The following BCL2L14 variants were observed in gnomAD, a reference collection of about 807,000 sequenced individuals.
BCL2L14 encodes the protein apoptosis facilitator Bcl-2-like protein 14.
In BCL2L14, 27 loss-of-function variants were observed where a neutral mutation model predicts 35.3. The observed-to-expected ratio is 0.76, with a 90% CI of 0.56 to 1.05. BCL2L14 has a LOEUF of 1.05. BCL2L14 is among the 50% of genes least tolerant of loss of function. The pLI, the probability that BCL2L14 is intolerant of heterozygous loss-of-function variation, is 0.00. For missense variants in BCL2L14, 377 were observed against 382.6 expected, an observed-to-expected ratio of 0.99 and a Z score of 0.12; for synonymous variants, 139 against 145.9, an observed-to-expected ratio of 0.95 and a Z score of 0.34.
At chr12:12,082,933 C>A (rs7961595) in intron 2 of BCL2L14, among the ~76,000 whole-genome samples, 55,453 of 151,628 alleles carry the variant, frequency 0.37, 10,412 homozygotes, top group East Asian at 0.51. Flanking sequence ...TCAGGCCTTG[C>A]AAATTTGGTT....
intron 3 of BCL2L14, 132 bp downstream of exon 3, chr12:12,087,518 G>A: frequency 9.8e-7 from 1 of 1,022,158 alleles, no homozygotes; most frequent in Non-Finnish European, 1.4e-6. Context: ...GCCACAGGCT[G>A]TGGGCAATGA....
intron 4 of BCL2L14, among the ~76,000 whole-genome samples, chr12:12,091,693 G>C (rs1949192736): frequency 6.6e-6 from 1 of 152,200 alleles, no homozygotes; most frequent in Non-Finnish European, 1.5e-5. Flanking sequence ...GAAGCACCTG[G>C]GAGATGGGAC....
intron 2 of BCL2L14, among the ~76,000 whole-genome samples, chr12:12,062,311 C>G (rs560720925): frequency 4.9e-5 from 7 of 143,592 alleles, no homozygotes; most frequent in Non-Finnish European, 7.5e-5. Context: ...GACACTCACC[C>G]CATTTCCCCA....
chr12:12,067,941 T>C (rs528085774), upstream of BCL2L14, among the ~76,000 whole-genome samples: 2 of 139,498 alleles, frequency 1.4e-5, no homozygotes, highest in East Asian at 4.0e-4. Context: ...CTTTCAGGAC[T>C]TTTTTTTTTT....
At chr12:12,094,202 T>C (rs11054681) in intron 4 of BCL2L14, among the ~76,000 whole-genome samples, 33,603 of 152,044 alleles carry the variant, frequency 0.22, 3,956 homozygotes, top group Middle Eastern at 0.38. Flanking sequence ...AGAGGTTAAT[T>C]TCCCCAAGAT....
intron 2 of BCL2L14, among the ~76,000 whole-genome samples, chr12:12,080,326 T>C (rs894599753): frequency 8.0e-5 from 12 of 149,606 alleles, no homozygotes; most frequent in African/African-American, 3.0e-4. Flanking sequence ...CAGACACCAA[T>C]ATAAAAGAAG....
chr12:12,097,753 T>G (rs551341645), intron 5 of BCL2L14, among the ~76,000 whole-genome samples: 2 of 151,680 alleles, frequency 1.3e-5, no homozygotes, highest in Non-Finnish European at 2.9e-5. Context: ...GAGAAATGAA[T>G]GCAATTATTT....
chr12:12,095,828 C>A, intron 5 of BCL2L14: 1 of 985,386 alleles, frequency 1.0e-6, no homozygotes, highest in Non-Finnish European at 1.2e-6. Flanking sequence ...CCGCCATGGT[C>A]TTCAGTGGCT....
chr12:12,090,324 C>T (rs1949153637), intron 3 of BCL2L14, among the ~76,000 whole-genome samples: 1 of 152,140 alleles, frequency 6.6e-6, no homozygotes, highest in South Asian at 2.1e-4. Context: ...GTAAGATTTA[C>T]TTGATAAGAA....
chr12:12,080,524 G>A (rs1228285041), intron 2 of BCL2L14, among the ~76,000 whole-genome samples: 1 of 151,694 alleles, frequency 6.6e-6, no homozygotes, highest in African/African-American at 2.4e-5. Context: ...GGAGGCTGGG[G>A]CAAGAGAATC....
intron 2 of BCL2L14, among the ~76,000 whole-genome samples, chr12:12,061,033 T>C (rs1229543716): frequency 2.7e-4 from 29 of 105,472 alleles, no homozygotes; most frequent in Admixed American, 7.2e-4. Context: ...GTTGTGGGTA[T>C]TGATGGCCAG....
chr12:12,067,553 G>GA (rs963297819), upstream of BCL2L14, among the ~76,000 whole-genome samples: 10 of 150,912 alleles, frequency 6.6e-5, no homozygotes, highest in South Asian at 1.0e-3. Context: ...TCTGTCTGAA[G>GA]AAAAAAAAAG....
chr12:12,085,232 T>G (rs1301971060), intron 2 of BCL2L14, among the ~76,000 whole-genome samples: 1 of 152,166 alleles, frequency 6.6e-6, no homozygotes, highest in East Asian at 1.9e-4. Flanking sequence ...CTTCTTAATG[T>G]GCAAGATGGG....
chr12:12,081,814 C>T (rs1948931681), intron 2 of BCL2L14, among the ~76,000 whole-genome samples: 1 of 152,094 alleles, frequency 6.6e-6, no homozygotes, highest in Non-Finnish European at 1.5e-5. Flanking sequence ...ACCTTGGGCT[C>T]CCGAAGTGCT....
intron 2 of BCL2L14, among the ~76,000 whole-genome samples, chr12:12,058,253 C>CTT (rs58296575): frequency 0.17 from 24,917 of 143,504 alleles, 2,178 homozygotes; most frequent in Middle Eastern, 0.19. Flanking sequence ...TGCCCAGACT[C>CTT]TTTTTTTTTT....
chr12:12,066,945 C>T (rs868120339), upstream of BCL2L14, among the ~76,000 whole-genome samples: 11 of 152,052 alleles, frequency 7.2e-5, no homozygotes, highest in Admixed American at 6.6e-4. Context: ...CTCCTGACCT[C>T]GTGATCTACC....
chr12:12,095,731 G>A, intron 5 of BCL2L14: 1 of 985,376 alleles, frequency 1.0e-6, no homozygotes, highest in Non-Finnish European at 1.2e-6. Context: ...AGGCATGGCT[G>A]GAGTGACCCT....
At chr12:12,094,619 G>C in intron 4 of BCL2L14, 45 bp from the exon 5 acceptor site, 1 of 1,614,186 alleles carries the variant, frequency 6.2e-7, no homozygotes, top group Non-Finnish European at 8.5e-7. Flanking sequence ...TGTCTGCCTC[G>C]TGGAGCCAAG....
chr12:12,095,780 G>A (rs892794826), intron 5 of BCL2L14: 28 of 985,270 alleles, frequency 2.8e-5, no homozygotes, highest in Non-Finnish European at 3.4e-5. Flanking sequence ...GCTGATGGAA[G>A]GAAAGTGCAG....
Sources: allele counts gnomAD v4.1 joint callset (sites outside exome capture counted in the v4.1 genomes callset), GRCh38; gene constraint gnomAD v4.1.1; transcripts MANE v1.5; gene names NCBI Gene and HGNC (gene_info 2026-07-23, HGNC 2026-07-21).